Variants in ATP6V1A observed in about 807,000 individuals in gnomAD.
ATP6V1A encodes ATPase H+ transporting V1 subunit A, also known as V-type proton ATPase catalytic subunit A.
A neutral mutation model predicts 70.1 loss-of-function variants in ATP6V1A; 18 were observed. That is an observed-to-expected ratio of 0.26 (90% confidence interval 0.18 to 0.38). ATP6V1A has a LOEUF of 0.38. ATP6V1A is among the 10% of genes least tolerant of loss of function. The pLI is 1.00. For missense variants in ATP6V1A, 424 were observed against 772.4 expected (o/e 0.55, Z 5.35); for synonymous variants, 232 against 253.8 (o/e 0.91, Z 0.82).
At chr3:113,799,245 G>T (rs1172226276) in intron 12 of ATP6V1A, among the ~76,000 whole-genome samples, 4 of 152,026 alleles carry the variant, frequency 2.6e-5, no homozygotes, top group African/African-American at 9.7e-5. Context: ...AAAATAAAAT[G>T]ATACATCATA....
At chr3:113,757,511 G>T (rs575923681) in intron 1 of ATP6V1A, among the ~76,000 whole-genome samples, 1 of 152,338 alleles carries the variant, frequency 6.6e-6, no homozygotes, top group South Asian at 2.1e-4. Context: ...ACGAAAGTGT[G>T]TTCAAGATGG....
intron 12 of ATP6V1A, among the ~76,000 whole-genome samples, chr3:113,800,286 C>T (rs1223722751): frequency 6.6e-6 from 1 of 150,932 alleles, no homozygotes; most frequent in East Asian, 1.9e-4. Context: ...CAATGTAACG[C>T]CAATCTAAAA....
intron 1 of ATP6V1A, among the ~76,000 whole-genome samples, chr3:113,770,235 A>G (rs1319821852): frequency 6.6e-6 from 1 of 152,032 alleles, no homozygotes; most frequent in East Asian, 1.9e-4. Context: ...TTTTTGGTAG[A>G]GGCAGGGTTT....
intron 1 of ATP6V1A, among the ~76,000 whole-genome samples, chr3:113,760,120 C>T (rs1708686429): frequency 6.6e-6 from 1 of 152,052 alleles, no homozygotes; most frequent in Non-Finnish European, 1.5e-5. Flanking sequence ...TTAAATAAAC[C>T]CTGGTTGTTA....
intron 1 of ATP6V1A, among the ~76,000 whole-genome samples, chr3:113,761,874 T>G (rs1340841128): frequency 7.7e-6 from 1 of 129,432 alleles, no homozygotes; most frequent in Non-Finnish European, 1.7e-5. Context: ...TAAAGTTGGC[T>G]GGGCACAGCA....
chr3:113,785,650 G>A (rs1474277686), intron 5 of ATP6V1A, among the ~76,000 whole-genome samples: 2 of 149,412 alleles, frequency 1.3e-5, no homozygotes, highest in Non-Finnish European at 3.0e-5. Context: ...CTGGGACCAC[G>A]GGCACATGCC....
At chr3:113,782,456 A>G (rs1490595475) in intron 3 of ATP6V1A, among the ~76,000 whole-genome samples, 1 of 150,570 alleles carries the variant, frequency 6.6e-6, no homozygotes, top group African/African-American at 2.4e-5. Flanking sequence ...AGCTCCCTTT[A>G]TTTTATATCC....
rs147604206 is a variant in ATP6V1A at position 113,796,100 on chromosome 3, C to G, written c.1290+161C>G. Reference sequence around the variant, plus strand: ...GTTTAGAAACACTCTTAACACAGAGCCTTTAATACTGTCTGTTTTTTTCTT... The same window carrying G: ...GTTTAGAAACACTCTTAACACAGAGGCTTTAATACTGTCTGTTTTTTTCTT... On this transcript the variant is annotated intron_variant, in intron 11 of 14. Transcript: ENST00000273398. Among the ~76,000 whole-genome samples the G allele has an allele frequency of 9.5e-3, 1,438 of 152,130 alleles. 17 individuals carry two copies. The highest frequency in any genetic ancestry group is 0.033 in the African/African-American group (1,375 of 41,492).
intron 8 of ATP6V1A, among the ~76,000 whole-genome samples, chr3:113,790,872 C>G (rs988669731): frequency 6.6e-6 from 1 of 152,052 alleles, no homozygotes; most frequent in African/African-American, 2.4e-5. Flanking sequence ...AATTCTTGAT[C>G]AATATTTCTT....
At position 113,774,061 on chromosome 3, in the gene ATP6V1A, G is replaced by GA. The variant is rs11300144; in HGVS notation, c.-13-4668dup. The stretch of plus-strand genomic sequence containing the variant: ...ATGATAAAATGCACCTGATAACTAG[G>GA]AAAAAAAAAAAACTAGCTAAGCAAC... On this transcript the variant is annotated intron_variant, in intron 1 of 14. Coordinates refer to ENST00000273398, the MANE Select transcript of ATP6V1A (RefSeq NM_001690.4). Among the ~76,000 whole-genome samples the GA allele has an allele frequency of 1.4e-3, 204 of 146,926 alleles. 2 individuals carry two copies. The highest frequency in any genetic ancestry group is 3.5e-3 in the Middle Eastern group (1 of 286).
chr3:113,793,972 C>T (rs1232664968), intron 8 of ATP6V1A, among the ~76,000 whole-genome samples: 4 of 152,060 alleles, frequency 2.6e-5, no homozygotes, highest in Non-Finnish European at 5.9e-5. Context: ...TTCACTTCAT[C>T]TGCCATATAT....
At chr3:113,765,878 G>T (rs1325529367) in intron 1 of ATP6V1A, among the ~76,000 whole-genome samples, 1 of 151,916 alleles carries the variant, frequency 6.6e-6, no homozygotes, top group Admixed American at 6.6e-5. Context: ...AGTGAGCCGA[G>T]ATCGCACCAC....
intron 14 of ATP6V1A, among the ~76,000 whole-genome samples, chr3:113,808,933 C>T (rs1007890110): frequency 6.6e-6 from 1 of 152,042 alleles, no homozygotes; most frequent in Non-Finnish European, 1.5e-5. Flanking sequence ...CTCACTAAAC[C>T]TAGTACTCAA....
At chr3:113,798,896 C>T (rs1709181019) in intron 12 of ATP6V1A, among the ~76,000 whole-genome samples, 1 of 152,164 alleles carries the variant, frequency 6.6e-6, no homozygotes, top group Non-Finnish European at 1.5e-5. Context: ...AAAGACTTCT[C>T]AGATAGTATG....
chr3:113,752,975 A>G (rs1001237495), intron 1 of ATP6V1A, among the ~76,000 whole-genome samples: 1 of 152,168 alleles, frequency 6.6e-6, no homozygotes, highest in Non-Finnish European at 1.5e-5. Flanking sequence ...AAAAGTCATA[A>G]AAGTATGGAT....
At chr3:113,752,873 T>C (rs1301362787) in intron 1 of ATP6V1A, among the ~76,000 whole-genome samples, 1 of 152,148 alleles carries the variant, frequency 6.6e-6, no homozygotes, top group Non-Finnish European at 1.5e-5. Flanking sequence ...GAGGCTTAAA[T>C]GTAAACAATA....
At chr3:113,769,364 T>A (rs918323914) in intron 1 of ATP6V1A, among the ~76,000 whole-genome samples, 5 of 152,104 alleles carry the variant, frequency 3.3e-5, no homozygotes, top group Non-Finnish European at 7.4e-5. Context: ...GAATCTTTTT[T>A]AAAAAAAATC....
intron 1 of ATP6V1A, among the ~76,000 whole-genome samples, chr3:113,766,280 C>G (rs1235194057): frequency 6.6e-6 from 1 of 151,776 alleles, no homozygotes; most frequent in Non-Finnish European, 1.5e-5. Context: ...TCATCTCTCT[C>G]TCTTTCTCTC....
At chr3:113,801,140 GTGAGACCC>G in intron 12 of ATP6V1A, 1 of 152,174 alleles carries the variant, frequency 6.6e-6, no homozygotes, top group East Asian at 1.9e-4. Flanking sequence ...GGGTGACAGA[GTGAGACCC>G]TATCTCTATT....
Sources: gnomAD v4.1 joint callset for allele counts (sites outside exome capture counted in the v4.1 genomes callset) on GRCh38, gnomAD v4.1.1 for gene constraint, MANE v1.5 for transcripts, NCBI Gene and HGNC (gene_info 2026-07-23, HGNC 2026-07-21) for gene names.